Variants in GHR observed in about 807,000 individuals in gnomAD.
The protein encoded by GHR is GH receptor.
A neutral mutation model predicts 67.1 loss-of-function variants in GHR; 35 were observed. That is an observed-to-expected ratio of 0.52 (90% CI 0.40 to 0.69). GHR has a LOEUF of 0.69. GHR is among the 30% of genes least tolerant of loss of function. GHR has a pLI of 0.00. For synonymous variants in GHR, 272 were observed against 269.1 expected, an observed-to-expected ratio of 1.01 and a Z score of -0.10; for missense variants, 792 against 764.6, an observed-to-expected ratio of 1.04 and a Z score of -0.42.
intron 6 of GHR, among the ~76,000 whole-genome samples, chr5:42,708,867 T>C (rs1176154559): frequency 6.6e-6 from 1 of 152,204 alleles, no homozygotes; most frequent in East Asian, 1.9e-4. Context: ...TCTCGTTAGG[T>C]AGACCAAAGG....
intron 4 of GHR, among the ~76,000 whole-genome samples, chr5:42,691,432 T>G (rs935595745): frequency 6.6e-6 from 1 of 152,228 alleles, no homozygotes; most frequent in African/African-American, 2.4e-5. Context: ...CTGGACTGAT[T>G]AGTGTACAGT....
intron 1 of GHR, among the ~76,000 whole-genome samples, chr5:42,501,548 C>A (rs1168441675): frequency 5.3e-5 from 8 of 152,140 alleles, no homozygotes; most frequent in African/African-American, 1.9e-4. Context: ...GCACTGTTGA[C>A]ATTTTGGGCC....
At chr5:42,576,142 AT>A (rs1333716161) in intron 2 of GHR, among the ~76,000 whole-genome samples, 2 of 88,314 alleles carry the variant, frequency 2.3e-5, no homozygotes, top group African/African-American at 1.0e-4. Flanking sequence ...ATAAAATAAA[AT>A]AGTAAAGTAA....
intron 2 of GHR, among the ~76,000 whole-genome samples, chr5:42,587,620 C>T (rs146584031): frequency 3.9e-5 from 6 of 152,126 alleles, no homozygotes; most frequent in African/African-American, 1.4e-4. Flanking sequence ...GTTTTGCTCC[C>T]TTCTCTTTCG....
chr5:42,537,073 T>G (rs1748289807), intron 1 of GHR, among the ~76,000 whole-genome samples: 1 of 152,138 alleles, frequency 6.6e-6, no homozygotes, highest in Non-Finnish European at 1.5e-5. Flanking sequence ...TTAATCTTAC[T>G]AATGGTCTAT....
chr5:42,607,937 C>G (rs1416059557), intron 2 of GHR, among the ~76,000 whole-genome samples: 2 of 152,170 alleles, frequency 1.3e-5, no homozygotes, highest in African/African-American at 4.8e-5. Flanking sequence ...GAAGCAAATA[C>G]CTTTATTATT....
rs762915083 is a variant in GHR, at chr5:42,447,918, T to C, written c.-12+23963T>C. Among the ~76,000 whole-genome samples, 10 of 151,862 alleles carry C rather than the reference T, an allele frequency of 6.6e-5. No homozygotes were observed. In the South Asian group the frequency reaches 1.5e-3, roughly 22 times the overall value. ...CTGGGATTACAGGTGCCCACAACCA[T>C]GCCTAGCTACTTTTTCTATCTTTAG... On this transcript the variant is annotated intron_variant, in intron 1 of 9. Coordinates refer to ENST00000230882, the MANE Select transcript of GHR (RefSeq NM_000163.5).
At chr5:42,492,771 T>G (rs1746167948) in intron 1 of GHR, among the ~76,000 whole-genome samples, 1 of 152,156 alleles carries the variant, frequency 6.6e-6, no homozygotes. Context: ...AAGGTACTCT[T>G]AAGAGAAAGC....
chr5:42,536,338 T>A (rs1252734840), intron 1 of GHR, among the ~76,000 whole-genome samples: 1 of 152,146 alleles, frequency 6.6e-6, no homozygotes, highest in Non-Finnish European at 1.5e-5. Flanking sequence ...GGTATGCCCC[T>A]TGTATGCCAA....
In GHR at chr5:42,455,919, T is replaced by G. The variant is rs192731408; in HGVS notation, c.-12+31964T>G. On this transcript the variant is annotated intron_variant, in intron 1 of 9. Transcript: ENST00000230882. Reference sequence around the variant, plus strand: ...CCGCTGGCTATAGGTTGCTTTAATCTCTGAGCTGCAGTTTCCTCATCTACA... The same window carrying G: ...CCGCTGGCTATAGGTTGCTTTAATCGCTGAGCTGCAGTTTCCTCATCTACA... 7.5e-4 allele frequency among the ~76,000 whole-genome samples: 115 copies of G among 152,356 alleles called. 1 individual carries two copies. The highest frequency in any genetic ancestry group is 2.6e-3 in the African/African-American group (110 of 41,592).
intron 3 of GHR, among the ~76,000 whole-genome samples, chr5:42,635,438 G>A (rs1465418833): frequency 1.3e-5 from 2 of 152,162 alleles, no homozygotes; most frequent in African/African-American, 4.8e-5. Context: ...CTGTCCCTAG[G>A]TAAGTAAAAT....
chr5:42,468,842 A>C (rs1744866483), intron 1 of GHR: 1 of 981,270 alleles, frequency 1.0e-6, no homozygotes, highest in East Asian at 2.7e-5. Context: ...AGGCAGCTGA[A>C]GCCTTCCTGT....
At chr5:42,627,888 T>C (rs1170653446) in intron 2 of GHR, among the ~76,000 whole-genome samples, 2 of 152,182 alleles carry the variant, frequency 1.3e-5, no homozygotes, top group East Asian at 3.9e-4. Context: ...TCTTGCCCAG[T>C]GTCCTAGAAA....
At position 42,619,382 on chromosome 5, in the gene GHR, T is replaced by G. The variant is rs369491479; in HGVS notation, c.71-9656T>G. ...GCCTATATTCTTGCTTCATATTGCC[T>G]GGAATGTTCTTCCACAAAACATCTG... On this transcript the variant is annotated intron_variant, in intron 2 of 9. Coordinates refer to ENST00000230882, the MANE Select transcript of GHR (RefSeq NM_000163.5). Among the ~76,000 whole-genome samples the G allele has an allele frequency of 7.6e-4, 115 of 152,178 alleles. 1 individual carries two copies. The highest frequency in any genetic ancestry group is 2.6e-3 in the African/African-American group (109 of 41,546).
At chr5:42,474,394 C>T (rs1400744539) in intron 1 of GHR, among the ~76,000 whole-genome samples, 1 of 151,388 alleles carries the variant, frequency 6.6e-6, no homozygotes, top group African/African-American at 2.4e-5. Flanking sequence ...TCCACAAAGG[C>T]CCCTCTTCTG....
At chr5:42,467,300 A>T in intron 1 of GHR, 1 of 1,109,186 alleles carries the variant, frequency 9.0e-7, no homozygotes, top group Non-Finnish European at 1.4e-6. Context: ...TCACACTCAT[A>T]TGGCTTCTCA....
chr5:42,557,807 A>C (rs1030635900), intron 1 of GHR, among the ~76,000 whole-genome samples: 1 of 152,204 alleles, frequency 6.6e-6, no homozygotes, highest in Non-Finnish European at 1.5e-5. Flanking sequence ...AGATGTCATC[A>C]AATAAAATCG....
intron 3 of GHR, among the ~76,000 whole-genome samples, chr5:42,662,397 C>T (rs1755692412): frequency 6.6e-6 from 1 of 152,144 alleles, no homozygotes; most frequent in Non-Finnish European, 1.5e-5. Flanking sequence ...GAAATTATAA[C>T]AAACTGTCTC....
chr5:42,600,109 G>A (rs1752294810), intron 2 of GHR, among the ~76,000 whole-genome samples: 2 of 152,204 alleles, frequency 1.3e-5, no homozygotes, highest in Admixed American at 1.3e-4. Context: ...CAGGGAAGGG[G>A]TCGGGAGGGA....
Sources: allele counts gnomAD v4.1 joint callset (sites outside exome capture counted in the v4.1 genomes callset), GRCh38; gene constraint gnomAD v4.1.1; transcripts MANE v1.5; gene names NCBI Gene and HGNC (gene_info 2026-07-23, HGNC 2026-07-21).